The following PPM1E variants were observed in gnomAD, a reference collection of about 807,000 sequenced individuals.
PPM1E encodes the protein protein phosphatase, Mg2+/Mn2+ dependent 1E, also known as protein phosphatase 1E.
PPM1E carries 20 observed loss-of-function variants against 65.9 expected under a neutral mutation model. The observed-to-expected ratio is 0.30, with a 90% confidence interval of 0.21 to 0.44. PPM1E has a LOEUF of 0.44. Among genes scored for constraint, PPM1E ranks in the 20% least tolerant of loss-of-function variants. PPM1E has a pLI of 1.00. For missense variants in PPM1E, 713 were observed against 953.1 expected, an observed-to-expected ratio of 0.75 and a Z score of 3.32; for synonymous variants, 352 against 374.9, an observed-to-expected ratio of 0.94 and a Z score of 0.70.
At chr17:58,883,641 G>A (rs1033957825) in intron 1 of PPM1E, among the ~76,000 whole-genome samples, 1 of 151,210 alleles carries the variant, frequency 6.6e-6, no homozygotes, top group Non-Finnish European at 1.5e-5. Context: ...CCGCCACCAC[G>A]CCCGGCTAAT....
intron 1 of PPM1E, among the ~76,000 whole-genome samples, chr17:58,949,307 T>C (rs373832142): frequency 1.3e-5 from 2 of 152,248 alleles, no homozygotes; most frequent in Non-Finnish European, 1.5e-5. Context: ...GATATAAATA[T>C]AGCTTTTCCT....
chr17:58,938,979 G>A (rs2052023710), intron 1 of PPM1E, among the ~76,000 whole-genome samples: 1 of 151,574 alleles, frequency 6.6e-6, no homozygotes, highest in African/African-American at 2.4e-5. Flanking sequence ...GTAAAGAGGG[G>A]GTTTCACCAT....
At chr17:58,843,715 C>T (rs2050743809) in intron 1 of PPM1E, among the ~76,000 whole-genome samples, 1 of 151,938 alleles carries the variant, frequency 6.6e-6, no homozygotes, top group African/African-American at 2.4e-5. Flanking sequence ...CCCAGAGTCA[C>T]AACTGCTCAG....
intron 1 of PPM1E, 137 bp downstream of exon 1, chr17:58,756,598 GC>G: frequency 2.8e-6 from 3 of 1,079,560 alleles, no homozygotes; most frequent in Non-Finnish European, 1.2e-6. Context: ...CGCTGAAAGC[GC>G]CCCCGCTGCT....
chr17:58,792,599 C>A (rs554425580), intron 1 of PPM1E, among the ~76,000 whole-genome samples: 1 of 151,664 alleles, frequency 6.6e-6, no homozygotes, highest in African/African-American at 2.4e-5. Context: ...GCCTTGGGCT[C>A]CTAAAGTGCT....
In PPM1E at chr17:58,783,493, T is replaced by A. The variant is rs192545623; in HGVS notation, c.464+27032T>A. Among the ~76,000 whole-genome samples the A allele has an allele frequency of 2.9e-4, 44 of 152,338 alleles. 1 individual carries two copies. In the East Asian group the frequency reaches 8.1e-3, roughly 28 times the overall value. On this transcript the variant is annotated intron_variant, in intron 1 of 6. Transcript: ENST00000308249. ...AGGTTGGTTAGGCCTGGACTTGGCA[T>A]GTATCCAGATTTAGGTACTACCTTT...
At chr17:58,938,709 A>T (rs569325136) in intron 1 of PPM1E, among the ~76,000 whole-genome samples, 9 of 152,238 alleles carry the variant, frequency 5.9e-5, no homozygotes, top group African/African-American at 2.2e-4. Flanking sequence ...ATGAAATTTA[A>T]AGAAATCAGT....
chr17:58,861,137 CAATACCCACCATGGT>C (rs2050934713), intron 1 of PPM1E, among the ~76,000 whole-genome samples: 1 of 152,160 alleles, frequency 6.6e-6, no homozygotes, highest in African/African-American at 2.4e-5. Flanking sequence ...CTTGGAAAGG[CAATACCCACCATGGT>C]GGGTCAGATC....
At chr17:58,896,142 A>T (rs978745052) in intron 1 of PPM1E, among the ~76,000 whole-genome samples, 2 of 151,468 alleles carry the variant, frequency 1.3e-5, no homozygotes, top group Non-Finnish European at 2.9e-5. Context: ...AAAAAGAAAA[A>T]GCGAAACAGC....
intron 2 of PPM1E, among the ~76,000 whole-genome samples, chr17:58,957,782 G>C (rs2029900009): frequency 1.3e-5 from 2 of 152,174 alleles, no homozygotes; most frequent in South Asian, 4.1e-4. Flanking sequence ...TTTGCTAAGT[G>C]ACCTTGGATA....
At chr17:58,841,262 C>T (rs1253259822) in intron 1 of PPM1E, among the ~76,000 whole-genome samples, 3 of 152,114 alleles carry the variant, frequency 2.0e-5, no homozygotes, top group Admixed American at 2.0e-4. Context: ...TTCTCCACTC[C>T]TTAAGTGTGG....
At chr17:58,883,937 C>CAA (rs1004487239) in intron 1 of PPM1E, among the ~76,000 whole-genome samples, 2 of 149,730 alleles carry the variant, frequency 1.3e-5, no homozygotes, top group African/African-American at 4.9e-5. Context: ...CCAAATTTAC[C>CAA]AAAAAAAAAT....
At chr17:58,922,873 C>T (rs917110941) in intron 1 of PPM1E, among the ~76,000 whole-genome samples, 26 of 151,732 alleles carry the variant, frequency 1.7e-4, no homozygotes, top group African/African-American at 4.6e-4. Flanking sequence ...TTAGAAGAGA[C>T]GGGGTTTCAC....
rs115131068 is a variant in PPM1E, at chr17:58,772,732, G to A, written c.464+16271G>A. On this transcript the variant is annotated intron_variant, in intron 1 of 6. Coordinates refer to ENST00000308249, the MANE Select transcript of PPM1E (RefSeq NM_014906.5). Reference sequence around the variant, plus strand: ...GGGTAAACCTGCAAGGAAAACCAGAGAATGACCTGAAAGTCATTCATTCAT... The same window carrying A: ...GGGTAAACCTGCAAGGAAAACCAGAAAATGACCTGAAAGTCATTCATTCAT... Among the ~76,000 whole-genome samples the A allele has an allele frequency of 5.4e-3, 818 of 152,210 alleles. 5 individuals are homozygous for A. The highest frequency in any genetic ancestry group is 0.018 in the African/African-American group (759 of 41,548).
intron 1 of PPM1E, among the ~76,000 whole-genome samples, chr17:58,858,902 C>T (rs140321152): frequency 4.3e-4 from 65 of 152,290 alleles, no homozygotes; most frequent in African/African-American, 1.5e-3. Context: ...GAGGAACCTC[C>T]ATATTGTTCT....
At chr17:58,777,359 CAAAGG>C (rs1598564261) in intron 1 of PPM1E, among the ~76,000 whole-genome samples, 1 of 152,004 alleles carries the variant, frequency 6.6e-6, no homozygotes, top group East Asian at 1.9e-4. Flanking sequence ...CCGTGGAACT[CAAAGG>C]AAAAAGGATC....
At chr17:58,842,575 C>T (rs572456456) in intron 1 of PPM1E, among the ~76,000 whole-genome samples, 21 of 152,278 alleles carry the variant, frequency 1.4e-4, no homozygotes, top group Middle Eastern at 6.8e-3. Context: ...GAGGCCAAGG[C>T]GGGTGGATCA....
chr17:58,861,796 G>A (rs933620677), intron 1 of PPM1E, among the ~76,000 whole-genome samples: 14 of 152,080 alleles, frequency 9.2e-5, no homozygotes, highest in African/African-American at 3.1e-4. Context: ...GAATGGTGGC[G>A]TGTGCCTGTA....
At chr17:58,829,216 AT>A (rs1192398071) in intron 1 of PPM1E, among the ~76,000 whole-genome samples, 4 of 151,756 alleles carry the variant, frequency 2.6e-5, no homozygotes, top group Non-Finnish European at 5.9e-5. Flanking sequence ...CTAATTTTGT[AT>A]ATTCAGTAGA....
Sources: allele counts gnomAD v4.1 joint callset (sites outside exome capture counted in the v4.1 genomes callset), GRCh38; gene constraint gnomAD v4.1.1; transcripts MANE v1.5; gene names NCBI Gene and HGNC (gene_info 2026-07-23, HGNC 2026-07-21).